Variants in NOS1AP observed in about 807,000 individuals in gnomAD.
The protein encoded by NOS1AP is carboxyl-terminal PDZ ligand of neuronal nitric oxide synthase protein.
In NOS1AP, 21 loss-of-function variants were observed where a neutral mutation model predicts 56.2. That is an observed-to-expected ratio of 0.37 (90% CI 0.26 to 0.54). The LOEUF (loss-of-function observed/expected upper bound fraction) is 0.54. NOS1AP is among the 20% of genes least tolerant of loss of function. The probability of loss-of-function intolerance (pLI) is 0.84; values close to 1 mark genes in which losing one functional copy is unlikely to be tolerated. For synonymous variants in NOS1AP, 270 were observed against 274.6 expected (o/e 0.98, Z 0.17); for missense variants, 522 against 657.8 (o/e 0.79, Z 2.26).
intron 2 of NOS1AP, among the ~76,000 whole-genome samples, chr1:162,156,400 A>T (rs144736327): frequency 3.6e-4 from 55 of 152,296 alleles, no homozygotes; most frequent in African/African-American, 1.1e-3. Flanking sequence ...TCATGAGAAC[A>T]TGCAACTTTC....
At chr1:162,166,762 G>A (rs924443868) in intron 2 of NOS1AP, among the ~76,000 whole-genome samples, 1 of 152,134 alleles carries the variant, frequency 6.6e-6, no homozygotes, top group African/African-American at 2.4e-5. Context: ...GCAATAATGG[G>A]TGTCACGTCC....
chr1:162,132,694 T>C (rs1648803212), intron 1 of NOS1AP, among the ~76,000 whole-genome samples: 1 of 152,254 alleles, frequency 6.6e-6, no homozygotes, highest in African/African-American at 2.4e-5. Context: ...AATATTTTGA[T>C]GATGACATAA....
intron 2 of NOS1AP, among the ~76,000 whole-genome samples, chr1:162,223,760 G>A (rs1652857197): frequency 2.0e-5 from 3 of 152,198 alleles, no homozygotes; most frequent in African/African-American, 4.8e-5. Context: ...CATGCGCCTT[G>A]CAGTTCAGAA....
chr1:162,263,909 C>T (rs1244203234), intron 2 of NOS1AP, among the ~76,000 whole-genome samples: 1 of 152,220 alleles, frequency 6.6e-6, no homozygotes. Context: ...ATTGACTTTT[C>T]ATTCTTCCTC....
intron 2 of NOS1AP, among the ~76,000 whole-genome samples, chr1:162,186,773 T>C (rs1651448484): frequency 6.6e-6 from 1 of 152,214 alleles, no homozygotes; most frequent in Admixed American, 6.5e-5. Context: ...TGTTCCAGCC[T>C]CCAGAACTTG....
At chr1:162,196,034 C>T (rs528853379) in intron 2 of NOS1AP, among the ~76,000 whole-genome samples, 7 of 152,286 alleles carry the variant, frequency 4.6e-5, no homozygotes, top group Admixed American at 6.5e-5. Flanking sequence ...AAAAGGTTTT[C>T]GCTGATAGGA....
chr1:162,336,409 G>A (rs1041562429), intron 5 of NOS1AP, among the ~76,000 whole-genome samples: 5 of 152,176 alleles, frequency 3.3e-5, no homozygotes, highest in African/African-American at 1.2e-4. Flanking sequence ...GGCTCATGAG[G>A]AAGTTATATA....
At chr1:162,111,795 G>T (rs1015478249) in intron 1 of NOS1AP, among the ~76,000 whole-genome samples, 9 of 152,210 alleles carry the variant, frequency 5.9e-5, no homozygotes, top group Admixed American at 3.9e-4. Context: ...TCATCGAGAA[G>T]CTGCTCTGCC....
chr1:162,363,223 C>A, intron 8 of NOS1AP: 1 of 152,714 alleles, frequency 6.5e-6, no homozygotes. Flanking sequence ...TTCCCACTAC[C>A]CTCTCCTTGG....
chr1:162,149,914 A>G (rs1344353960), intron 1 of NOS1AP, among the ~76,000 whole-genome samples: 1 of 152,248 alleles, frequency 6.6e-6, no homozygotes, highest in Non-Finnish European at 1.5e-5. Context: ...CATGCAATGC[A>G]TAATAGTCAC....
At chr1:162,143,959 C>T (rs773730468) in intron 1 of NOS1AP, among the ~76,000 whole-genome samples, 1 of 152,214 alleles carries the variant, frequency 6.6e-6, no homozygotes, top group African/African-American at 2.4e-5. Context: ...CATCTGACAG[C>T]CTTCTCATTT....
At chr1:162,145,291 T>G (rs1264082773) in intron 1 of NOS1AP, among the ~76,000 whole-genome samples, 1 of 152,150 alleles carries the variant, frequency 6.6e-6, no homozygotes, top group Admixed American at 6.5e-5. Flanking sequence ...GGCTTCTCTC[T>G]TGATTGCAGT....
At chr1:162,187,682 G>A (rs760132800) in intron 2 of NOS1AP, among the ~76,000 whole-genome samples, 2 of 152,078 alleles carry the variant, frequency 1.3e-5, no homozygotes, top group Non-Finnish European at 2.9e-5. Flanking sequence ...CTGTGAAAAC[G>A]GCTGAGTAGA....
At chr1:162,186,607 C>T (rs1434174397) in intron 2 of NOS1AP, among the ~76,000 whole-genome samples, 1 of 151,972 alleles carries the variant, frequency 6.6e-6, no homozygotes, top group Non-Finnish European at 1.5e-5. Context: ...GAGGGTGGGG[C>T]CCTCATGATG....
intron 2 of NOS1AP, among the ~76,000 whole-genome samples, chr1:162,190,699 A>G (rs1257878581): frequency 1.3e-5 from 2 of 152,104 alleles, no homozygotes; most frequent in African/African-American, 4.8e-5. Flanking sequence ...GAAGTCTGGG[A>G]CTTAGTCCTC....
chr1:162,198,916 C>T (rs1315675798), intron 2 of NOS1AP, among the ~76,000 whole-genome samples: 1 of 152,142 alleles, frequency 6.6e-6, no homozygotes, highest in Non-Finnish European at 1.5e-5. Context: ...GGGCTTGGGG[C>T]CTTGCTTTCC....
At chr1:162,364,771 A>G in intron 8 of NOS1AP, 1 of 987,124 alleles carries the variant, frequency 1.0e-6, no homozygotes. Context: ...AAAAAGGAAG[A>G]CAGGGAAAGA....
chr1:162,167,831 C>T (rs543198553), intron 2 of NOS1AP, among the ~76,000 whole-genome samples: 10 of 152,256 alleles, frequency 6.6e-5, no homozygotes, highest in South Asian at 2.1e-4. Flanking sequence ...TGAATTGCTC[C>T]GGGCATATGT....
intron 2 of NOS1AP, among the ~76,000 whole-genome samples, chr1:162,261,825 G>A (rs1345697877): frequency 2.6e-5 from 4 of 152,184 alleles, no homozygotes; most frequent in Non-Finnish European, 5.9e-5. Flanking sequence ...AGTTCATTTG[G>A]GAGATTGAGC....
Sources: allele counts gnomAD v4.1 joint callset (sites outside exome capture counted in the v4.1 genomes callset), GRCh38; gene constraint gnomAD v4.1.1; transcripts MANE v1.5; gene names NCBI Gene and HGNC (gene_info 2026-07-23, HGNC 2026-07-21).